VWC2: variants seen among roughly 807,000 people sequenced by gnomAD.
The protein encoded by VWC2 is brorin.
In VWC2, 14 loss-of-function variants were observed where a neutral mutation model predicts 29.8. That is an observed-to-expected ratio of 0.47 (90% confidence interval 0.31 to 0.74). VWC2 has a LOEUF of 0.74. Ranked by LOEUF, VWC2 falls within the 30% of genes least tolerant of loss-of-function variation. The pLI is 0.05. For missense variants in VWC2, 457 were observed against 459.8 expected, an observed-to-expected ratio of 0.99 and a Z score of 0.05; for synonymous variants, 213 against 199.0, an observed-to-expected ratio of 1.07 and a Z score of -0.59.
intron 2 of VWC2, among the ~76,000 whole-genome samples, chr7:49,800,968 C>T (rs569378428): frequency 3.9e-5 from 6 of 151,912 alleles, no homozygotes; most frequent in African/African-American, 1.4e-4. Flanking sequence ...ACATTGCCAA[C>T]CAGGTCAGTG....
intron 3 of VWC2, among the ~76,000 whole-genome samples, chr7:49,901,886 C>CTCTGTT (rs1167772031): frequency 2.6e-5 from 4 of 151,878 alleles, no homozygotes; most frequent in African/African-American, 9.7e-5. Context: ...TGTTTGCTAA[C>CTCTGTT]ACTGTTAGCT....
chr7:49,843,112 TTA>T (rs1789838361), intron 3 of VWC2, among the ~76,000 whole-genome samples: 1 of 152,150 alleles, frequency 6.6e-6, no homozygotes, highest in Admixed American at 6.5e-5. Context: ...GGTACCATCT[TTA>T]TGTCTCTAAG....
chr7:49,903,785 C>T (rs1562764511), intron 3 of VWC2, among the ~76,000 whole-genome samples: 1 of 152,100 alleles, frequency 6.6e-6, no homozygotes. Context: ...GGGACACACA[C>T]AAAGAGTTTG....
rs757599142 is a variant in VWC2 at position 49,775,849 on chromosome 7, G to A, written c.414G>A (p.Thr138=). ...QDAIGPELAP[T]PEPPEEYVYP... is the part of the protein sequence containing the mutation. ...CGATTGGCCCGGAACTCGCGCCCAC[G>A]CCCGAGCCACCCGAGGAGTACGTGT... Residue 138 remains threonine, a synonymous_variant, in exon 2 of 4, where the codon ACG becomes ACA. Transcript: ENST00000340652. The A allele has an allele frequency of 5.2e-5, 81 of 1,551,750 alleles. No individual in the cohort carries two copies. The highest frequency in any genetic ancestry group is 7.0e-5 in the Non-Finnish European group (80 of 1,148,720).
intron 3 of VWC2, among the ~76,000 whole-genome samples, chr7:49,892,999 C>A (rs1169091705): frequency 6.6e-6 from 1 of 152,066 alleles, no homozygotes; most frequent in African/African-American, 2.4e-5. Context: ...TATTTGACAG[C>A]GGGGACACTT....
chr7:49,832,632 A>T (rs1002525516), intron 3 of VWC2, among the ~76,000 whole-genome samples: 2 of 152,104 alleles, frequency 1.3e-5, no homozygotes, highest in Non-Finnish European at 2.9e-5. Context: ...CCTATTTCAA[A>T]CTTCTGTTTG....
intron 2 of VWC2, among the ~76,000 whole-genome samples, chr7:49,800,971 G>A (rs145747615): frequency 8.6e-5 from 13 of 151,898 alleles, no homozygotes; most frequent in Middle Eastern, 3.4e-3. Context: ...TTGCCAACCA[G>A]GTCAGTGTTT....
chr7:49,815,718 G>C (rs1028820155), intron 3 of VWC2, among the ~76,000 whole-genome samples: 1 of 152,088 alleles, frequency 6.6e-6, no homozygotes, highest in Non-Finnish European at 1.5e-5. Context: ...GTAAAACTTT[G>C]GTCAAGTAAC....
chr7:49,813,691 C>A (rs542956509), intron 3 of VWC2, among the ~76,000 whole-genome samples: 12 of 152,090 alleles, frequency 7.9e-5, no homozygotes, highest in Non-Finnish European at 1.5e-4. Flanking sequence ...AATATATTAA[C>A]GTGCAATAAT....
Position 49,775,846 on chromosome 7 carries a change from C to G in VWC2, c.411C>G (p.Pro137=). 1 of 1,551,102 alleles carries G rather than the reference C, an allele frequency of 6.4e-7. No homozygotes were observed. Among genetic ancestry groups the G allele is most frequent in the East Asian group, 2.4e-5 (1 of 41,272 alleles). The change falls in exon 2 of 4, where the codon CCC becomes CCG. Residue 137 remains proline (P), a synonymous_variant. Coordinates refer to ENST00000340652, the MANE Select transcript of VWC2 (RefSeq NM_198570.5). ...ACGCGATTGGCCCGGAACTCGCGCC[C>G]ACGCCCGAGCCACCCGAGGAGTACG... is the stretch of plus-strand genomic sequence containing the variant. ...AQDAIGPELA[P]TPEPPEEYVY...
At chr7:49,830,557 T>C (rs1442929119) in intron 3 of VWC2, among the ~76,000 whole-genome samples, 1 of 152,222 alleles carries the variant, frequency 6.6e-6, no homozygotes, top group East Asian at 1.9e-4. Context: ...CTAGGGTACA[T>C]GTGCACAATG....
At chr7:49,836,388 G>C (rs1789658298) in intron 3 of VWC2, among the ~76,000 whole-genome samples, 1 of 151,678 alleles carries the variant, frequency 6.6e-6, no homozygotes, top group Non-Finnish European at 1.5e-5. Context: ...CAGTACTTTG[G>C]GAGGCAGAAG....
intron 2 of VWC2, among the ~76,000 whole-genome samples, chr7:49,794,467 G>T (rs1788538718): frequency 6.6e-6 from 1 of 152,216 alleles, no homozygotes; most frequent in Admixed American, 6.5e-5. Flanking sequence ...ATCCATGCCT[G>T]TTAGCTGCAC....
chr7:49,918,386 T>C lies in VWC2; in HGVS notation c.*6201T>C, dbSNP rs1009334339. The C allele has an allele frequency of 6.6e-6, 1 of 152,186 alleles. No individual in the cohort carries two copies. Among genetic ancestry groups the C allele is most frequent in the Admixed American group, 6.5e-5 (1 of 15,268 alleles). 9.4% of individuals were successfully genotyped at this position (152,186 alleles called of 1,614,324 possible). ...TTTACCCCACTCCCCATAAATAAGA[T>C]AATGAATAGCAACACTGATCCCTAA... is the stretch of plus-strand genomic sequence containing the variant. On this transcript the variant is annotated 3_prime_UTR_variant, in exon 4 of 4. Transcript: ENST00000340652.
intron 3 of VWC2, among the ~76,000 whole-genome samples, chr7:49,868,950 G>A (rs1055822500): frequency 4.6e-5 from 7 of 152,168 alleles, no homozygotes; most frequent in Admixed American, 4.6e-4. Flanking sequence ...TATATGGAAA[G>A]AAGTTTTCTT....
chr7:49,849,053 A>G (rs1290508042), intron 3 of VWC2, among the ~76,000 whole-genome samples: 2 of 152,176 alleles, frequency 1.3e-5, no homozygotes, highest in African/African-American at 4.8e-5. Context: ...TTCATGTATG[A>G]CAAATGTGTT....
At chr7:49,885,998 G>A (rs1033348984) in intron 3 of VWC2, among the ~76,000 whole-genome samples, 1 of 152,228 alleles carries the variant, frequency 6.6e-6, no homozygotes, top group Admixed American at 6.5e-5. Context: ...TTGACGTGAT[G>A]CATTTTGAAA....
At chr7:49,891,968 A>T (rs186372564) in intron 3 of VWC2, among the ~76,000 whole-genome samples, 4 of 152,158 alleles carry the variant, frequency 2.6e-5, no homozygotes, top group African/African-American at 9.6e-5. Context: ...AAATGAAAAG[A>T]TACAAATACG....
chr7:49,918,286 C>T lies in VWC2; in HGVS notation c.*6101C>T, dbSNP rs935645649. On this transcript the variant is annotated 3_prime_UTR_variant, in exon 4 of 4. Coordinates refer to ENST00000340652, the MANE Select transcript of VWC2 (RefSeq NM_198570.5). The stretch of plus-strand genomic sequence containing the variant: ...TCCAAATCTGCTTTATATCAGAGCC[C>T]GTGATTTGAAGTCTTATCATTTGTG... 5 of 152,038 alleles carry T rather than the reference C, an allele frequency of 3.3e-5. No homozygotes were observed. The highest frequency in any genetic ancestry group is 4.8e-5 in the African/African-American group (2 of 41,380). The allele number at this position is 152,038 out of a possible 1,614,324, so 9.4% of individuals were successfully genotyped here. A position where few individuals can be genotyped will look rare whatever the true frequency, so the allele number is the denominator to read the frequency against.
Sources: allele counts gnomAD v4.1 joint callset (sites outside exome capture counted in the v4.1 genomes callset), GRCh38; gene constraint gnomAD v4.1.1; transcripts MANE v1.5; gene names NCBI Gene and HGNC (gene_info 2026-07-23, HGNC 2026-07-21).